MS4A5: variants seen among roughly 807,000 people sequenced by gnomAD.
The protein encoded by MS4A5 is membrane-spanning 4-domains subfamily A member 5.
In MS4A5, 15 loss-of-function variants were observed where a neutral mutation model predicts 18.2. That is an observed-to-expected ratio of 0.83 (90% CI 0.55 to 1.27). The LOEUF (loss-of-function observed/expected upper bound fraction) is 1.27. Among genes scored for constraint, MS4A5 ranks in the 50% most tolerant of loss-of-function variants. MS4A5 has a pLI of 0.00. For synonymous variants in MS4A5, 89 were observed against 78.7 expected (o/e 1.13, Z -0.69); for missense variants, 232 against 225.7 (o/e 1.03, Z -0.18).
intron 4 of MS4A5, among the ~76,000 whole-genome samples, chr11:60,436,084 G>T (rs1037465436): frequency 6.6e-6 from 1 of 152,056 alleles, no homozygotes; most frequent in African/African-American, 2.4e-5. Context: ...ATCTGAGAAC[G>T]GGCAGACTGC....
chr11:60,431,167 T>C (rs1006446027), intron 2 of MS4A5, among the ~76,000 whole-genome samples: 8 of 152,232 alleles, frequency 5.3e-5, no homozygotes, highest in African/African-American at 1.9e-4. Flanking sequence ...TATTCATTCA[T>C]TTGAAATTAG....
chr11:60,442,974 C>T (rs1317227483), intron 4 of MS4A5, among the ~76,000 whole-genome samples: 1 of 152,132 alleles, frequency 6.6e-6, no homozygotes, highest in South Asian at 2.1e-4. Flanking sequence ...AACACCATCT[C>T]TACTAAAAAT....
intron 4 of MS4A5, among the ~76,000 whole-genome samples, chr11:60,437,813 C>G (rs1169908329): frequency 4.0e-5 from 6 of 150,598 alleles, no homozygotes; most frequent in Non-Finnish European, 8.9e-5. Flanking sequence ...GACTCCCACA[C>G]ATTAATAATG....
chr11:60,430,284 G>A (rs537437598), intron 1 of MS4A5, among the ~76,000 whole-genome samples: 33 of 152,174 alleles, frequency 2.2e-4, no homozygotes, highest in Non-Finnish European at 3.5e-4. Flanking sequence ...CCGAAGAGAT[G>A]GAGAGTCCTC....
intron 4 of MS4A5, among the ~76,000 whole-genome samples, chr11:60,444,021 G>C (rs902519541): frequency 6.6e-6 from 1 of 152,156 alleles, no homozygotes; most frequent in Non-Finnish European, 1.5e-5. Flanking sequence ...AAGCCTTGCA[G>C]GAGCAGACTA....
At chr11:60,436,945 A>G (rs1419497317) in intron 4 of MS4A5, among the ~76,000 whole-genome samples, 1 of 133,064 alleles carries the variant, frequency 7.5e-6, no homozygotes, top group Non-Finnish European at 1.7e-5. Flanking sequence ...CTCCTCGAGA[A>G]AAGCAACTCC....
rs1359929237 is a variant in MS4A5 at position 60,438,616 on chromosome 11, C to T, written c.492+4699C>T. 6.6e-5 allele frequency among the ~76,000 whole-genome samples: 10 copies of T among 152,230 alleles called. No homozygotes were observed. The East Asian group carries it at 1.9e-3, about 29-fold the overall frequency. On this transcript the variant is annotated intron_variant, in intron 4 of 4. Coordinates refer to ENST00000300190, the MANE Select transcript of MS4A5 (RefSeq NM_023945.3). The stretch of plus-strand genomic sequence containing the variant: ...TGTCACCACCGATCCCACAGAAATA[C>T]AAACGACCATCAGAGAATACTACAA...
At chr11:60,444,527 T>A (rs762805699) in intron 4 of MS4A5, among the ~76,000 whole-genome samples, 5 of 152,028 alleles carry the variant, frequency 3.3e-5, no homozygotes, top group Non-Finnish European at 5.9e-5. Context: ...TATCTCTCTC[T>A]CACAAAAGAC....
chr11:60,432,512 T>C, intron 3 of MS4A5, 45 bp downstream of exon 3: 1 of 1,214,402 alleles, frequency 8.2e-7, no homozygotes, highest in Non-Finnish European at 1.2e-6. Flanking sequence ...TTGTAGCCAG[T>C]CATGGTGGCT....
At chr11:60,431,606 G>C (rs1314895286) in intron 2 of MS4A5, among the ~76,000 whole-genome samples, 1 of 152,138 alleles carries the variant, frequency 6.6e-6, no homozygotes, top group African/African-American at 2.4e-5. Context: ...CCATAGGAAA[G>C]GCATCAACAA....
rs1162892929 is a variant in MS4A5, at chr11:60,436,323, G to GA, written c.492+2412dup. ...AAGTAGATAAAACCACAAAGATGGG[G>GA]AAAAAACAGAACAGAAAAACTGGAA... On this transcript the variant is annotated intron_variant, in intron 4 of 4. Transcript: ENST00000300190. Among the ~76,000 whole-genome samples the GA allele has an allele frequency of 1.6e-4, 23 of 141,028 alleles. 2 individuals are homozygous for GA. In the East Asian group the frequency reaches 4.3e-3, roughly 26 times the overall value. 92.5% of individuals were successfully genotyped at this position (141,028 alleles called of 152,430 possible). A position where few individuals can be genotyped will look rare whatever the true frequency, so the allele number is the denominator to read the frequency against.
Position 60,447,781 on chromosome 11 carries a change from T to A in MS4A5, c.*22T>A. 7.3e-7 allele frequency: 1 copy of A among 1,376,436 alleles called. No individual in the cohort carries two copies. The highest frequency in any genetic ancestry group is 1.2e-5 in the South Asian group (1 of 80,748). 85.3% of individuals were successfully genotyped at this position (1,376,436 alleles called of 1,614,324 possible). A position where few individuals can be genotyped will look rare whatever the true frequency, so the allele number is the denominator to read the frequency against. On this transcript the variant is annotated 3_prime_UTR_variant, in exon 5 of 5. Coordinates refer to ENST00000300190, the MANE Select transcript of MS4A5 (RefSeq NM_023945.3). Reference sequence around the variant, plus strand: ...TTGACTAGCACTGTGAGAATAAAGATGTGTTAAAATATTATGTAGCAATGA... The same window carrying A: ...TTGACTAGCACTGTGAGAATAAAGAAGTGTTAAAATATTATGTAGCAATGA...
rs1198924754 is a variant in MS4A5, at chr11:60,447,307, GTGCTATGCTATGCTATGCTATGCTA to G, written c.493-303_493-279del. 4.8e-4 allele frequency among the ~76,000 whole-genome samples: 67 copies of G among 139,644 alleles called. 1 individual carries two copies. The highest frequency in any genetic ancestry group is 3.4e-3 in the Admixed American group (49 of 14,232). 91.6% of individuals were successfully genotyped at this position (139,644 alleles called of 152,430 possible). On this transcript the variant is annotated intron_variant, in intron 4 of 4. Coordinates refer to ENST00000300190, the MANE Select transcript of MS4A5 (RefSeq NM_023945.3). ...ATGCTATGCTATGCTATCCTATGCT[GTGCTATGCTATGCTATGCTATGCTA>G]TGCTATGCTATGCTATGCTATGCTA...
Position 60,429,620 on chromosome 11 carries a change from T to C in MS4A5, c.-55T>C. Reference sequence around the variant, plus strand: ...GCCTCAGCACAAGAAAAGAACATGGTCTAGACTGAAGTACCAACTAAATCA... The same window carrying C: ...GCCTCAGCACAAGAAAAGAACATGGCCTAGACTGAAGTACCAACTAAATCA... On this transcript the variant is annotated 5_prime_UTR_variant, in exon 1 of 5. Coordinates refer to ENST00000300190, the MANE Select transcript of MS4A5 (RefSeq NM_023945.3). 1 of 1,547,218 alleles carries C rather than the reference T, an allele frequency of 6.5e-7. No individual in the cohort carries two copies. The highest frequency in any genetic ancestry group is 8.7e-7 in the Non-Finnish European group (1 of 1,146,208).
chr11:60,444,013 G>C (rs1375619005), intron 4 of MS4A5, among the ~76,000 whole-genome samples: 1 of 152,130 alleles, frequency 6.6e-6, no homozygotes, highest in Admixed American at 6.5e-5. Flanking sequence ...AAAAAGCAAA[G>C]CCTTGCAGGA....
chr11:60,430,712 C>T lies in MS4A5; in HGVS notation c.154-84C>T, dbSNP rs2086043993. 6.6e-6 allele frequency: 10 copies of T among 1,522,880 alleles called. 1 individual carries two copies. The South Asian group carries it at 1.1e-4, about 17-fold the overall frequency. The allele number at this position is 1,522,880 out of a possible 1,614,324, so 94.3% of individuals were successfully genotyped here. A position where few individuals can be genotyped will look rare whatever the true frequency, so the allele number is the denominator to read the frequency against. Reference sequence around the variant, plus strand: ...TACCAAAGAGAGTAATTGCCAAATCCTTTTGACCAAAAGAAGATATTCTAA... The same window carrying T: ...TACCAAAGAGAGTAATTGCCAAATCTTTTTGACCAAAAGAAGATATTCTAA... On this transcript the variant is annotated intron_variant, in intron 1 of 4. Transcript: ENST00000300190.
chr11:60,429,596 C>A lies in MS4A5; in HGVS notation c.-79C>A. 7.3e-7 allele frequency: 1 copy of A among 1,376,066 alleles called. No individual in the cohort carries two copies. The highest frequency in any genetic ancestry group is 9.9e-7 in the Non-Finnish European group (1 of 1,013,006). 85.2% of individuals were successfully genotyped at this position (1,376,066 alleles called of 1,614,324 possible). A position where few individuals can be genotyped will look rare whatever the true frequency, so the allele number is the denominator to read the frequency against. On this transcript the variant is annotated 5_prime_UTR_variant, in exon 1 of 5. Transcript: ENST00000300190. ...CAAACAATTCCAGTGCTCCAGGCAG[C>A]CTCAGCACAAGAAAAGAACATGGTC...
intron 1 of MS4A5, among the ~76,000 whole-genome samples, chr11:60,430,083 T>G (rs2086040127): frequency 6.6e-6 from 1 of 152,176 alleles, no homozygotes; most frequent in Admixed American, 6.5e-5. Flanking sequence ...GTAAATGAGA[T>G]TACTCAGACT....
intron 4 of MS4A5, among the ~76,000 whole-genome samples, chr11:60,447,375 C>CTATGCTATGCTATGCTATGCT (rs2086146773): frequency 6.6e-6 from 1 of 151,916 alleles, no homozygotes; most frequent in Non-Finnish European, 1.5e-5. Flanking sequence ...CTATGCAATG[C>CTATGCTATGCTATGCTATGCT]AGTGCTATGC....
Sources: allele counts gnomAD v4.1 joint callset (sites outside exome capture counted in the v4.1 genomes callset), GRCh38; gene constraint gnomAD v4.1.1; transcripts MANE v1.5; gene names NCBI Gene and HGNC (gene_info 2026-07-23, HGNC 2026-07-21).